Variants in DLGAP4 observed in about 807,000 individuals in gnomAD.
DLGAP4 encodes disks large-associated protein 4.
In DLGAP4, 18 loss-of-function variants were observed where a neutral mutation model predicts 86.9. That is an observed-to-expected ratio of 0.21 (90% CI 0.14 to 0.31). DLGAP4 has a LOEUF of 0.31. Ranked by LOEUF, DLGAP4 falls within the 10% of genes least tolerant of loss-of-function variation. The pLI is 1.00. For missense variants in DLGAP4, 1,085 were observed against 1,362.6 expected (o/e 0.80, Z 3.21); for synonymous variants, 548 against 574.3 (o/e 0.95, Z 0.65).
intron 7 of DLGAP4, chr20:36,461,447 C>G: frequency 1.2e-6 from 1 of 833,824 alleles, no homozygotes; most frequent in South Asian, 5.8e-5. Flanking sequence ...GGACTTTAAC[C>G]CGGAGCCCCG....
chr20:36,311,521 T>A (rs1316665582), intron 1 of DLGAP4, among the ~76,000 whole-genome samples: 5 of 152,182 alleles, frequency 3.3e-5, no homozygotes, highest in African/African-American at 4.8e-5. Context: ...CCTACTGATG[T>A]TGACGATGAT....
chr20:36,464,937 A>AT lies in DLGAP4; in HGVS notation c.1648+18002dup, dbSNP rs1484695722. 2.0e-5 allele frequency among the ~76,000 whole-genome samples: 3 copies of AT among 152,114 alleles called. No individual in the cohort carries two copies. The East Asian group carries it at 5.8e-4, about 29-fold the overall frequency. On this transcript the variant is annotated intron_variant, in intron 7 of 12. Transcript: ENST00000339266. Reference sequence around the variant, plus strand: ...CGCCTGGTTTTAATCAGTCTCCATCATTCACTGCGTTTGTAATCTTGGGCA... The same window carrying AT: ...CGCCTGGTTTTAATCAGTCTCCATCATTTCACTGCGTTTGTAATCTTGGGCA...
At chr20:36,506,872 T>C (rs2036403280) in intron 10 of DLGAP4, among the ~76,000 whole-genome samples, 1 of 152,198 alleles carries the variant, frequency 6.6e-6, no homozygotes, top group Admixed American at 6.5e-5. Flanking sequence ...TTTGTCTCTA[T>C]GAGTTTGACT....
intron 1 of DLGAP4, among the ~76,000 whole-genome samples, chr20:36,345,263 G>A (rs1555892821): frequency 1.3e-5 from 2 of 152,214 alleles, no homozygotes; most frequent in Admixed American, 6.5e-5. Context: ...ATTGGCTTCT[G>A]GAGGAATCGC....
In DLGAP4 at chr20:36,436,447, C is replaced by A. The variant is rs571534029; in HGVS notation, c.1241+97C>A. ...GGAGGAGCCCTGCATTAAAATAAGC[C>A]CCGCCTGCGTGGGAGCCACGCCCCC... is the stretch of plus-strand genomic sequence containing the variant. On this transcript the variant is annotated intron_variant, in intron 4 of 12. Coordinates refer to ENST00000339266, the MANE Select transcript of DLGAP4 (RefSeq NM_001365621.2). 1.4e-5 allele frequency: 20 copies of A among 1,429,224 alleles called. No individual in the cohort carries two copies. The Admixed American group carries it at 5.1e-4, about 36-fold the overall frequency. 88.5% of individuals were successfully genotyped at this position (1,429,224 alleles called of 1,614,324 possible).
At chr20:36,407,508 C>A (rs2032358843) in intron 2 of DLGAP4, among the ~76,000 whole-genome samples, 1 of 152,084 alleles carries the variant, frequency 6.6e-6, no homozygotes, top group Non-Finnish European at 1.5e-5. Context: ...GGAGAGAAGA[C>A]TCCAGAGTTG....
chr20:36,319,394 CA>C (rs2065143844), intron 1 of DLGAP4, among the ~76,000 whole-genome samples: 1 of 152,178 alleles, frequency 6.6e-6, no homozygotes, highest in South Asian at 2.1e-4. Flanking sequence ...CCTGTGTGTT[CA>C]AGGACTGAGG....
At chr20:36,387,343 C>T (rs2031634903) in intron 2 of DLGAP4, among the ~76,000 whole-genome samples, 1 of 152,194 alleles carries the variant, frequency 6.6e-6, no homozygotes, top group South Asian at 2.1e-4. Flanking sequence ...TATACTTTGC[C>T]CAGTTTTTTA....
At chr20:36,399,746 G>T (rs2032101612) in intron 2 of DLGAP4, among the ~76,000 whole-genome samples, 1 of 152,200 alleles carries the variant, frequency 6.6e-6, no homozygotes, top group Non-Finnish European at 1.5e-5. Context: ...CAGATTCGAG[G>T]ATTCCAGGCC....
At chr20:36,351,225 G>A (rs2030140546) in intron 1 of DLGAP4, among the ~76,000 whole-genome samples, 1 of 152,202 alleles carries the variant, frequency 6.6e-6, no homozygotes, top group Non-Finnish European at 1.5e-5. Context: ...AAGACCTGGG[G>A]TGTCATCCGT....
At position 36,332,492 on chromosome 20, in the gene DLGAP4, C is replaced by T. The variant is rs112248134; in HGVS notation, c.-304+25980C>T. Among the ~76,000 whole-genome samples the T allele has an allele frequency of 8.3e-3, 1,260 of 152,234 alleles. 22 individuals carry two copies. The highest frequency in any genetic ancestry group is 0.025 in the African/African-American group (1,052 of 41,538). On this transcript the variant is annotated intron_variant, in intron 1 of 12. Coordinates refer to ENST00000339266, the MANE Select transcript of DLGAP4 (RefSeq NM_001365621.2). Reference sequence around the variant, plus strand: ...GCAACCTCTGCCTCTGGGGTTCAAGCAGGTCTTCTCCCTCAGCCTCCCTAG... The same window carrying T: ...GCAACCTCTGCCTCTGGGGTTCAAGTAGGTCTTCTCCCTCAGCCTCCCTAG...
chr20:36,442,946 T>C (rs2033490145), intron 6 of DLGAP4, among the ~76,000 whole-genome samples, 169 bp downstream of exon 6: 1 of 152,204 alleles, frequency 6.6e-6, no homozygotes, highest in African/African-American at 2.4e-5. Flanking sequence ...GTGTCCTGAC[T>C]CTCCACTCCC....
At chr20:36,442,683 C>T (rs749270283) in intron 5 of DLGAP4, 44 bp from the exon 6 acceptor site, 1 of 1,611,570 alleles carries the variant, frequency 6.2e-7, no homozygotes, top group Non-Finnish European at 8.5e-7. Context: ...CACCCCAGCC[C>T]CAGCCCTGGT....
rs1023843993 is a variant in DLGAP4 at position 36,510,057 on chromosome 20, G to A, written c.2512+9446G>A. ...TTTTAGTGTTGGTCAGGCTGGTCTCGAACTCCTGACCTCAAGTGATCCGCC... is the reference window on the plus strand; with the variant it reads ...TTTTAGTGTTGGTCAGGCTGGTCTCAAACTCCTGACCTCAAGTGATCCGCC... On this transcript the variant is annotated intron_variant, in intron 10 of 12. Transcript: ENST00000339266. Among the ~76,000 whole-genome samples the A allele has an allele frequency of 7.3e-5, 11 of 151,606 alleles. No individual in the cohort carries two copies. The East Asian group carries it at 1.2e-3, about 16-fold the overall frequency.
intron 1 of DLGAP4, among the ~76,000 whole-genome samples, chr20:36,349,278 C>T (rs2030056600): frequency 6.7e-6 from 1 of 150,136 alleles, no homozygotes; most frequent in Admixed American, 6.6e-5. Context: ...AATAGCCAGG[C>T]GTGGTGGCAG....
In DLGAP4 at chr20:36,431,566, C is replaced by T. The variant is rs535176223; in HGVS notation, c.-72-80C>T. 141 of 844,058 alleles carry T rather than the reference C, an allele frequency of 1.7e-4. 1 individual carries two copies. The East Asian group carries it at 3.6e-3, about 22-fold the overall frequency. 52.3% of individuals were successfully genotyped at this position (844,058 alleles called of 1,614,324 possible). On this transcript the variant is annotated intron_variant, in intron 2 of 12. Coordinates refer to ENST00000339266, the MANE Select transcript of DLGAP4 (RefSeq NM_001365621.2). This position sits in a 1 kb window ranked among gnomAD's most constrained non-coding sequence, Gnocchi z 5.1. Reference sequence around the variant, plus strand: ...GGCTTCAGAGATCCTCCCAGCCTTGCGATCTGGATCTGACCTTCCCGGCAC... The same window carrying T: ...GGCTTCAGAGATCCTCCCAGCCTTGTGATCTGGATCTGACCTTCCCGGCAC...
At position 36,396,600 on chromosome 20, in the gene DLGAP4, G is replaced by A. The variant is rs979831169; in HGVS notation, c.-73+29325G>A. Among the ~76,000 whole-genome samples the A allele has an allele frequency of 2.3e-4, 16 of 68,772 alleles. No homozygotes were observed. In the South Asian group the frequency reaches 4.3e-3, roughly 18 times the overall value. 45.1% of individuals were successfully genotyped at this position (68,772 alleles called of 152,430 possible). On this transcript the variant is annotated intron_variant, in intron 2 of 12. Coordinates refer to ENST00000339266, the MANE Select transcript of DLGAP4 (RefSeq NM_001365621.2). ...ACATACACACACCAGACACACACAC[G>A]CACGCATACACACCACAGACACAAA...
chr20:36,449,366 A>G (rs2033676620), intron 7 of DLGAP4, among the ~76,000 whole-genome samples: 1 of 152,182 alleles, frequency 6.6e-6, no homozygotes, highest in Non-Finnish European at 1.5e-5. Context: ...GTATTTGAAA[A>G]CAAGGGCCTT....
chr20:36,333,826 C>A (rs1347274785), intron 1 of DLGAP4, among the ~76,000 whole-genome samples: 1 of 152,164 alleles, frequency 6.6e-6, no homozygotes, highest in Non-Finnish European at 1.5e-5. Context: ...AGGTGTTTCC[C>A]AAATGGGTGA....
Sources: gnomAD v4.1 joint callset for allele counts (sites outside exome capture counted in the v4.1 genomes callset) on GRCh38, gnomAD v4.1.1 for gene constraint, Gnocchi (gnomAD v3.1) non-coding constraint, MANE v1.5 for transcripts, NCBI Gene and HGNC (gene_info 2026-07-23, HGNC 2026-07-21) for gene names.